The following PADI2 variants were observed in gnomAD, a reference collection of about 807,000 sequenced individuals.
PADI2 encodes peptidyl arginine deiminase 2.
PADI2 carries 70 observed loss-of-function variants against 81.1 expected under a neutral mutation model. The ratio of observed to expected loss-of-function variants is 0.86; its 90% confidence interval spans 0.71 to 1.05. The LOEUF (loss-of-function observed/expected upper bound fraction) is 1.05, where lower values mean the gene tolerates loss of function less well. PADI2 is among the 50% of genes least tolerant of loss of function. PADI2 has a pLI of 0.00. For missense variants in PADI2, 853 were observed against 889.9 expected (o/e 0.96, Z 0.53); for synonymous variants, 338 against 358.0 (o/e 0.94, Z 0.63).
intron 3 of PADI2, among the ~76,000 whole-genome samples, chr1:17,096,343 G>T (rs541169802): frequency 1.3e-5 from 2 of 152,352 alleles, no homozygotes; most frequent in East Asian, 3.9e-4. Flanking sequence ...GCAGAACTGG[G>T]GTACACAGTG....
At chr1:17,097,464 G>A (rs879665725) in intron 3 of PADI2, among the ~76,000 whole-genome samples, 1 of 152,140 alleles carries the variant, frequency 6.6e-6, no homozygotes, top group Non-Finnish European at 1.5e-5. Flanking sequence ...GCAGCTGTGC[G>A]GTGAGTTAGG....
intron 3 of PADI2, among the ~76,000 whole-genome samples, chr1:17,099,263 A>G (rs1931054941): frequency 6.6e-6 from 1 of 152,164 alleles, no homozygotes. Context: ...AATCAGGGCA[A>G]GTATCCCAGC....
rs765149305 is a variant in PADI2, at chr1:17,070,219, G to T, written c.1636-3C>A. Reference sequence around the variant, plus strand: ...TCACGGTTCCAGTCTAGGCAGCGCTGGGTAGGAGAAAGGATGGAGGGCATG... The same window carrying T: ...TCACGGTTCCAGTCTAGGCAGCGCTTGGTAGGAGAAAGGATGGAGGGCATG... On this transcript the variant is annotated splice_region_variant and splice_polypyrimidine_tract_variant and intron_variant, in intron 14 of 15. Transcript: ENST00000375486. 3.7e-6 allele frequency: 6 copies of T among 1,613,744 alleles called. No homozygotes were observed. The East Asian group carries it at 1.3e-4, about 36-fold the overall frequency.
In PADI2 at chr1:17,071,421, C is replaced by T; in HGVS notation, c.1620G>A (p.Glu540=). ...CTGCCCTCACCTGGAAGTACAGGTT[C>T]TCCTGCACAAGGCTCTCGTTGGACA... ...KILSNESLVQ[E]NLYFQRCLDW... Residue 540 remains glutamate (E), a synonymous_variant, in exon 14 of 16, where the codon GAG becomes GAA. Transcript: ENST00000375486. 1 of 1,613,138 alleles carries T rather than the reference C, an allele frequency of 6.2e-7. No homozygotes were observed. The highest frequency in any genetic ancestry group is 1.1e-5 in the South Asian group (1 of 91,066).
In PADI2 at chr1:17,075,489, T is replaced by G. The variant is rs1240262702; in HGVS notation, c.1455+190A>C. 5 of 518,206 alleles carry G rather than the reference T, an allele frequency of 9.6e-6. No individual in the cohort carries two copies. The East Asian group carries it at 1.4e-4, about 14-fold the overall frequency. The allele number at this position is 518,206 out of a possible 1,614,324, so 32.1% of individuals were successfully genotyped here. ...TTTTTAGGCTGATTATGTGTTGCAA[T>G]GCTAACATTTTGGATTTATGGGGTT... On this transcript the variant is annotated intron_variant, in intron 12 of 15. Coordinates refer to ENST00000375486, the MANE Select transcript of PADI2 (RefSeq NM_007365.3).
intron 2 of PADI2, among the ~76,000 whole-genome samples, chr1:17,104,400 A>C (rs1350402607): frequency 7.3e-5 from 11 of 151,128 alleles, no homozygotes; most frequent in Non-Finnish European, 1.0e-4. Context: ...ATATTAAGAC[A>C]ATTAATTTCA....
chr1:17,103,905 A>C (rs1458829628), intron 2 of PADI2, among the ~76,000 whole-genome samples: 1 of 151,592 alleles, frequency 6.6e-6, no homozygotes, highest in Non-Finnish European at 1.5e-5. Flanking sequence ...GACTGCTTGA[A>C]CCCAGTAGCT....
At chr1:17,107,778 G>A (rs1306997217) in intron 1 of PADI2, among the ~76,000 whole-genome samples, 1 of 152,122 alleles carries the variant, frequency 6.6e-6, no homozygotes, top group African/African-American at 2.4e-5. Flanking sequence ...AGGAGAATTG[G>A]GAAGGACTCG....
chr1:17,088,631 G>A (rs758936373), intron 6 of PADI2, among the ~76,000 whole-genome samples: 6 of 152,006 alleles, frequency 3.9e-5, no homozygotes, highest in African/African-American at 9.7e-5. Context: ...TCAGGGAGCC[G>A]GGTGCAGTAG....
intron 1 of PADI2, among the ~76,000 whole-genome samples, chr1:17,106,792 A>AGGC (rs1333325781): frequency 9.5e-6 from 1 of 104,762 alleles, no homozygotes; most frequent in Admixed American, 1.1e-4. Context: ...GAGGAGGAGG[A>AGGC]GGAGGAGCAG....
In PADI2 at chr1:17,071,388, C is replaced by A; in HGVS notation, c.1635+18G>T. ...CTCCCAGGGGCCCTCTGGCCCTGCA[C>A]CCCTGCCCTGCCCTCACCTGGAAGT... On this transcript the variant is annotated intron_variant, in intron 14 of 15. Coordinates refer to ENST00000375486, the MANE Select transcript of PADI2 (RefSeq NM_007365.3). 2 of 1,598,326 alleles carry A rather than the reference C, an allele frequency of 1.3e-6. No individual in the cohort carries two copies. The highest frequency in any genetic ancestry group is 1.7e-6 in the Non-Finnish European group (2 of 1,165,874).
chr1:17,096,056 C>T lies in PADI2; in HGVS notation c.350-86G>A. The T allele has an allele frequency of 9.2e-6, 9 of 977,896 alleles. 1 individual carries two copies. The highest frequency in any genetic ancestry group is 4.5e-5 in the Admixed American group (2 of 44,468). The allele number at this position is 977,896 out of a possible 1,614,324, so 60.6% of individuals were successfully genotyped here. ...GAGGAAGACCTGTGGGATTTGGGTG[C>T]GTCTCAGCCATTCATTTGGTCACGG... On this transcript the variant is annotated intron_variant, in intron 3 of 15. Transcript: ENST00000375486.
chr1:17,077,642 A>G lies in PADI2; in HGVS notation c.1310+1622T>C, dbSNP rs555758029. ...GCCTGGCACTTGGCTGGTGCTCAGG[A>G]AATGGTTGCTGAGTGAATGAGTGGC... On this transcript the variant is annotated intron_variant, in intron 11 of 15. Transcript: ENST00000375486. Among the ~76,000 whole-genome samples, 3 of 152,130 alleles carry G rather than the reference A, an allele frequency of 2.0e-5. No individual in the cohort carries two copies. The South Asian group carries it at 6.2e-4, about 32-fold the overall frequency.
chr1:17,076,469 T>A (rs546897039), intron 11 of PADI2, among the ~76,000 whole-genome samples: 1 of 152,310 alleles, frequency 6.6e-6, no homozygotes, highest in South Asian at 2.1e-4. Flanking sequence ...CTCCTTGGCC[T>A]CCCAAACTGC....
intron 7 of PADI2, among the ~76,000 whole-genome samples, chr1:17,086,298 G>A (rs922343845): frequency 2.0e-5 from 3 of 152,208 alleles, no homozygotes; most frequent in African/African-American, 2.4e-5. Flanking sequence ...CAGGGAATCC[G>A]TGGGGAGCAG....
chr1:17,088,541 G>C (rs1233415291), intron 6 of PADI2, among the ~76,000 whole-genome samples: 1 of 152,120 alleles, frequency 6.6e-6, no homozygotes, highest in Non-Finnish European at 1.5e-5. Flanking sequence ...CACTAAGGGT[G>C]CTTCCCTTAG....
At chr1:17,101,084 G>A (rs1931126235) in intron 3 of PADI2, among the ~76,000 whole-genome samples, 1 of 152,018 alleles carries the variant, frequency 6.6e-6, no homozygotes, top group Admixed American at 6.6e-5. Context: ...CTAAATATCT[G>A]GAACTTGTGG....
At chr1:17,070,014 CAG>C in intron 15 of PADI2, 72 bp downstream of exon 15, 1 of 1,521,388 alleles carries the variant, frequency 6.6e-7, no homozygotes, top group Non-Finnish European at 8.9e-7. Flanking sequence ...TGGACAGCTT[CAG>C]CTGAGGGGTC....
intron 5 of PADI2, 24 bp downstream of exon 5, chr1:17,093,543 C>A (rs1557766667): frequency 6.9e-7 from 1 of 1,442,148 alleles, no homozygotes; most frequent in Admixed American, 1.7e-5. Context: ...CATCCTGCCC[C>A]CCAAGTGCAG....
Sources: gnomAD v4.1 joint callset for allele counts (sites outside exome capture counted in the v4.1 genomes callset) on GRCh38, gnomAD v4.1.1 for gene constraint, MANE v1.5 for transcripts, NCBI Gene and HGNC (gene_info 2026-07-23, HGNC 2026-07-21) for gene names.